ULK4: variants seen among roughly 807,000 people sequenced by gnomAD.
ULK4 encodes inactive serine/threonine-protein kinase ULK4.
A neutral mutation model predicts 160.6 loss-of-function variants in ULK4; 133 were observed. That is an observed-to-expected ratio of 0.83 (90% CI 0.72 to 0.96). The LOEUF (loss-of-function observed/expected upper bound fraction) is 0.96. Ranked by LOEUF, ULK4 falls within the 40% of genes least tolerant of loss-of-function variation. The pLI, the probability that ULK4 is intolerant of heterozygous loss-of-function variation, is 0.00. For synonymous variants in ULK4, 534 were observed against 539.8 expected (o/e 0.99, Z 0.15); for missense variants, 1,580 against 1,499.5 (o/e 1.05, Z -0.89).
rs1397881041 is a variant in ULK4 at position 41,463,110 on chromosome 3, C to T, written c.3370G>A (p.Gly1124Ser). Residue 1124 changes from glycine (G) to serine (S), a missense_variant, in exon 33 of 37, where the codon GGT becomes AGT. Gly to Ser is a moderately conservative substitution (Grantham distance 56). Coordinates refer to ENST00000301831, the MANE Select transcript of ULK4 (RefSeq NM_017886.4). ...ACCTGCAAAGCCAGCCGTACAATAC[C>T]GGAGGTATAGGTCAGCATGCTGTGC... ...ILHSMLTYTS[G>S]IVRLALQAQK... The T allele has an allele frequency of 5.0e-6, 8 of 1,613,310 alleles. No individual in the cohort carries two copies. In the East Asian group the frequency reaches 6.7e-5, roughly 13 times the overall value.
intron 2 of ULK4, among the ~76,000 whole-genome samples, chr3:41,942,751 G>C (rs113300894): frequency 0.13 from 19,061 of 152,144 alleles, 1,374 homozygotes; most frequent in Middle Eastern, 0.27. Context: ...CGGGAGGTGA[G>C]GCTGCAGTGA....
intron 34 of ULK4, among the ~76,000 whole-genome samples, chr3:41,433,758 C>T (rs913371646): frequency 2.6e-5 from 4 of 151,930 alleles, no homozygotes; most frequent in African/African-American, 9.7e-5. Context: ...CTCGCTCTGT[C>T]GCCCAGGCTG....
intron 34 of ULK4, among the ~76,000 whole-genome samples, chr3:41,419,944 G>A (rs148191085): frequency 1.3e-5 from 2 of 151,742 alleles, no homozygotes; most frequent in African/African-American, 4.8e-5. Flanking sequence ...GGCTTCCTCC[G>A]CCCTGTGCCA....
Position 41,926,844 on chromosome 3 carries a change from G to A in ULK4, c.541+5000C>T, listed in dbSNP as rs1484714826. Among the ~76,000 whole-genome samples, 7 of 151,982 alleles carry A rather than the reference G, an allele frequency of 4.6e-5. No homozygotes were observed. The East Asian group carries it at 5.8e-4, about 13-fold the overall frequency. On this transcript the variant is annotated intron_variant, in intron 5 of 36. Coordinates refer to ENST00000301831, the MANE Select transcript of ULK4 (RefSeq NM_017886.4). ...CAAACAAAGCCTCCAAGAAATATGG[G>A]ACTGTCAAAGACCAAATCTACGTTT...
chr3:41,462,410 A>G (rs184071710), intron 33 of ULK4, among the ~76,000 whole-genome samples: 3 of 152,326 alleles, frequency 2.0e-5, no homozygotes, highest in African/African-American at 4.8e-5. Flanking sequence ...CTTGATCTAA[A>G]TATCAGCTGA....
intron 32 of ULK4, among the ~76,000 whole-genome samples, chr3:41,562,343 T>C (rs1009179796): frequency 6.6e-6 from 1 of 152,164 alleles, no homozygotes; most frequent in African/African-American, 2.4e-5. Context: ...TTCTGTTTAT[T>C]TGGGGTGGAG....
At chr3:41,616,512 G>T (rs1189341614) in intron 30 of ULK4, among the ~76,000 whole-genome samples, 1 of 152,182 alleles carries the variant, frequency 6.6e-6, no homozygotes, top group Admixed American at 6.5e-5. Flanking sequence ...GCAGGGTGGG[G>T]CGTCGTCTCA....
chr3:41,828,827 C>G (rs947890921), intron 18 of ULK4, among the ~76,000 whole-genome samples: 1 of 152,008 alleles, frequency 6.6e-6, no homozygotes, highest in East Asian at 1.9e-4. Context: ...AAAAAGAGCC[C>G]ACATTGCCAA....
chr3:41,254,065 C>G (rs1253611282), intron 35 of ULK4, among the ~76,000 whole-genome samples: 1 of 152,058 alleles, frequency 6.6e-6, no homozygotes, highest in Non-Finnish European at 1.5e-5. Context: ...TTCAAAACTC[C>G]TCTCATGATA....
At chr3:41,855,412 T>C (rs563077918) in intron 17 of ULK4, among the ~76,000 whole-genome samples, 18 of 152,284 alleles carry the variant, frequency 1.2e-4, no homozygotes, top group African/African-American at 4.3e-4. Context: ...AAGCATCTAC[T>C]GCAGTGTGGA....
At chr3:41,343,524 G>A (rs745708507) in intron 35 of ULK4, among the ~76,000 whole-genome samples, 4 of 151,760 alleles carry the variant, frequency 2.6e-5, no homozygotes, top group South Asian at 2.1e-4. Flanking sequence ...GGCTGGTCTC[G>A]AACTCCTGAC....
chr3:41,717,680 A>G (rs781538575), intron 23 of ULK4, 48 bp downstream of exon 23: 15 of 1,566,150 alleles, frequency 9.6e-6, no homozygotes, highest in South Asian at 7.1e-5. Flanking sequence ...GCCAAGTCTT[A>G]GAAACGTAAA....
At chr3:41,447,221 C>A (rs563233477) in intron 34 of ULK4, among the ~76,000 whole-genome samples, 1 of 152,032 alleles carries the variant, frequency 6.6e-6, no homozygotes, top group African/African-American at 2.4e-5. Context: ...TCCCATCTCT[C>A]GCCTATCGGT....
chr3:41,425,503 C>G (rs1441555628), intron 34 of ULK4, among the ~76,000 whole-genome samples: 1 of 152,070 alleles, frequency 6.6e-6, no homozygotes, highest in Non-Finnish European at 1.5e-5. Context: ...ATCAGATTCT[C>G]CAAGGTCAAA....
At position 41,729,418 on chromosome 3, in the gene ULK4, C is replaced by T. The variant is rs115108265; in HGVS notation, c.2322-11557G>A. The stretch of plus-strand genomic sequence containing the variant: ...AGAAGCCGACATTGTGTCCTATTTT[C>T]CCCCTGACCCAAGCTGCTACTGCAT... On this transcript the variant is annotated intron_variant, in intron 22 of 36. Coordinates refer to ENST00000301831, the MANE Select transcript of ULK4 (RefSeq NM_017886.4). Among the ~76,000 whole-genome samples the T allele has an allele frequency of 5.6e-3, 849 of 152,288 alleles. 6 individuals carry two copies. The highest frequency in any genetic ancestry group is 0.019 in the African/African-American group (798 of 41,552).
chr3:41,568,877 A>G (rs965311280), intron 31 of ULK4, among the ~76,000 whole-genome samples: 1 of 151,848 alleles, frequency 6.6e-6, no homozygotes, highest in African/African-American at 2.4e-5. Context: ...CACTTCAAAC[A>G]CTCATCACAA....
chr3:41,812,513 G>A (rs1011707774), intron 19 of ULK4, among the ~76,000 whole-genome samples: 2 of 152,140 alleles, frequency 1.3e-5, no homozygotes, highest in Admixed American at 6.5e-5. Flanking sequence ...ATGGAATAAC[G>A]ATTTCAGAGC....
intron 31 of ULK4, among the ~76,000 whole-genome samples, chr3:41,582,204 C>A (rs768290056): frequency 1.3e-5 from 2 of 152,028 alleles, no homozygotes; most frequent in African/African-American, 2.4e-5. Flanking sequence ...TTCGTTTGGT[C>A]CTCTGATTCT....
intron 17 of ULK4, among the ~76,000 whole-genome samples, chr3:41,882,501 T>C (rs1697560330): frequency 6.6e-6 from 1 of 152,250 alleles, no homozygotes; most frequent in South Asian, 2.1e-4. Flanking sequence ...GAAACTATCA[T>C]CCATGCCTTT....
Sources: allele counts gnomAD v4.1 joint callset (sites outside exome capture counted in the v4.1 genomes callset), GRCh38; gene constraint gnomAD v4.1.1; transcripts MANE v1.5; gene names NCBI Gene and HGNC (gene_info 2026-07-23, HGNC 2026-07-21).